The following GLUD1 variants were observed in gnomAD, a reference collection of about 807,000 sequenced individuals.
The protein encoded by GLUD1 is glutamate dehydrogenase 1.
GLUD1 carries 22 observed loss-of-function variants against 56.0 expected under a neutral mutation model. The observed-to-expected ratio is 0.39, with a 90% CI of 0.28 to 0.56. GLUD1 has a LOEUF of 0.56. Ranked by LOEUF, GLUD1 falls within the 20% of genes least tolerant of loss-of-function variation. The probability of loss-of-function intolerance (pLI) is 0.58; values close to 1 mark genes in which losing one functional copy is unlikely to be tolerated. For synonymous variants in GLUD1, 223 were observed against 269.9 expected (o/e 0.83, Z 1.70); for missense variants, 451 against 732.0 (o/e 0.62, Z 4.43).
At chr10:87,068,206 C>T (rs747538573) in intron 4 of GLUD1, 49 bp from the exon 5 acceptor site, 30 of 1,121,530 alleles carry the variant, frequency 2.7e-5, no homozygotes, top group Non-Finnish European at 4.1e-5. Context: ...AAGAAAAATT[C>T]TTCTCGAACA....
At chr10:87,072,249 G>T (rs186623277) in intron 4 of GLUD1, among the ~76,000 whole-genome samples, 205 of 152,310 alleles carry the variant, frequency 1.3e-3, no homozygotes, top group Non-Finnish European at 2.4e-3. Context: ...CTGGGTGAAA[G>T]GACAAAACCT....
intron 5 of GLUD1, among the ~76,000 whole-genome samples, chr10:87,067,178 C>A (rs1447274407): frequency 6.6e-6 from 1 of 152,226 alleles, no homozygotes; most frequent in East Asian, 1.9e-4. Context: ...CACTGACTAC[C>A]ATGTAAAACA....
At chr10:87,088,143 C>T (rs113973335) in intron 1 of GLUD1, among the ~76,000 whole-genome samples, 2,859 of 150,176 alleles carry the variant, frequency 0.019, 50 homozygotes, top group Middle Eastern at 0.038. Context: ...TCCTTGAACT[C>T]CTACTGCAAC....
intron 4 of GLUD1, among the ~76,000 whole-genome samples, chr10:87,072,438 C>T (rs1381906205): frequency 6.6e-6 from 1 of 152,186 alleles, no homozygotes; most frequent in Non-Finnish European, 1.5e-5. Context: ...CAATCTGACA[C>T]TCTCTGTGGA....
chr10:87,089,398 A>AG (rs1243279446), intron 1 of GLUD1, among the ~76,000 whole-genome samples: 1 of 152,262 alleles, frequency 6.6e-6, no homozygotes, highest in African/African-American at 2.4e-5. Flanking sequence ...TTTGGAAATC[A>AG]GGGACAACAG....
intron 5 of GLUD1, among the ~76,000 whole-genome samples, chr10:87,065,223 G>A (rs1286816786): frequency 6.7e-6 from 1 of 149,114 alleles, no homozygotes; most frequent in East Asian, 2.0e-4. Flanking sequence ...AACCCGGGAG[G>A]CGGAGGTTGC....
intron 1 of GLUD1, among the ~76,000 whole-genome samples, chr10:87,083,219 T>TA (rs11431413): frequency 0.13 from 16,925 of 134,548 alleles, 1,850 homozygotes; most frequent in African/African-American, 0.3. Flanking sequence ...TCAAAAAAAT[T>TA]AAAAAAAAAA....
rs183713290 is a variant in GLUD1, at chr10:87,052,438, A to G, written c.1558-568T>C. ...AGGAGGCGGTGGTTGCAGTGAGCAG[A>G]GATTGCACCATTGCACTCCAGCTGG... On this transcript the variant is annotated intron_variant, in intron 12 of 12. Coordinates refer to ENST00000277865, the MANE Select transcript of GLUD1 (RefSeq NM_005271.5). 7.6e-3 allele frequency among the ~76,000 whole-genome samples: 1,162 copies of G among 152,274 alleles called. 16 individuals carry two copies. The highest frequency in any genetic ancestry group is 0.027 in the African/African-American group (1,120 of 41,548).
intron 1 of GLUD1, among the ~76,000 whole-genome samples, chr10:87,081,072 G>GA (rs1841231654): frequency 1.4e-5 from 2 of 143,022 alleles, no homozygotes; most frequent in African/African-American, 5.1e-5. Context: ...GAGGTGGGGG[G>GA]GTCAGCCCCC....
chr10:87,051,993 C>A, intron 12 of GLUD1, 123 bp from the exon 13 acceptor site: 1 of 1,109,688 alleles, frequency 9.0e-7, no homozygotes, highest in Non-Finnish European at 1.4e-6. Context: ...AGGACTTGGG[C>A]AGCCAAAGAC....
At chr10:87,059,783 T>G (rs187299421) in intron 9 of GLUD1, among the ~76,000 whole-genome samples, 39 of 152,282 alleles carry the variant, frequency 2.6e-4, no homozygotes, top group African/African-American at 9.1e-4. Flanking sequence ...CTAAAAAACC[T>G]GAGCACGTGT....
At chr10:87,090,678 A>G (rs1486259616) in intron 1 of GLUD1, among the ~76,000 whole-genome samples, 1 of 152,208 alleles carries the variant, frequency 6.6e-6, no homozygotes, top group Non-Finnish European at 1.5e-5. Context: ...CAAATTACCT[A>G]TCCTCTGACT....
intron 9 of GLUD1, 94 bp from the exon 10 acceptor site, chr10:87,059,367 A>G: frequency 8.2e-7 from 1 of 1,217,600 alleles, no homozygotes; most frequent in South Asian, 1.2e-5. Context: ...ACCAAGGTAG[A>G]CTGGACTTTA....
intron 10 of GLUD1, 123 bp from the exon 11 acceptor site, chr10:87,057,905 G>A: frequency 1.5e-6 from 1 of 664,090 alleles, no homozygotes; most frequent in Non-Finnish European, 2.7e-6. Context: ...GTCGTGGTCT[G>A]TCACCCAGGC....
At position 87,060,716 on chromosome 10, in the gene GLUD1, T is replaced by C; in HGVS notation, c.1169A>G (p.Lys390Arg). The change falls in exon 8 of 13, where the codon AAA becomes AGA. Residue 390 changes from lysine to arginine, a missense_variant. By Grantham distance (26) the Lys-to-Arg change is conservative (BLOSUM62 2). Coordinates refer to ENST00000277865, the MANE Select transcript of GLUD1 (RefSeq NM_005271.5). Reference protein sequence around the residue: ...IPAASEKQLTKSNAPRVKAKI... With the variant: ...IPAASEKQLTRSNAPRVKAKI... The stretch of plus-strand genomic sequence containing the variant: ...GGCTTTGACTCTGGGTGCGTTGGAT[T>C]TGGTCAACTGCTTCTCACTGGCAGC... 1 of 1,614,196 alleles carries C rather than the reference T, an allele frequency of 6.2e-7. No homozygotes were observed. The highest frequency in any genetic ancestry group is 8.5e-7 in the Non-Finnish European group (1 of 1,180,030).
At chr10:87,086,785 C>T (rs1185615659) in intron 1 of GLUD1, among the ~76,000 whole-genome samples, 5 of 148,448 alleles carry the variant, frequency 3.4e-5, no homozygotes, top group East Asian at 2.0e-4. Flanking sequence ...AAGCCAAGAT[C>T]GCGCCACTGC....
At chr10:87,059,476 G>GAAAAAAAA (rs35013042) in intron 9 of GLUD1, among the ~76,000 whole-genome samples, 1 of 149,924 alleles carries the variant, frequency 6.7e-6, no homozygotes, top group Non-Finnish European at 1.5e-5. Context: ...TTCTATTTAG[G>GAAAAAAAA]AAAAAAAAAA....
At chr10:87,085,305 C>A (rs1200161305) in intron 1 of GLUD1, among the ~76,000 whole-genome samples, 1 of 140,316 alleles carries the variant, frequency 7.1e-6, no homozygotes, top group Admixed American at 7.5e-5. Context: ...GAGATTGCAC[C>A]ATTGCACTTC....
chr10:87,085,609 C>T (rs1316364822), intron 1 of GLUD1, among the ~76,000 whole-genome samples: 2 of 152,028 alleles, frequency 1.3e-5, no homozygotes, highest in African/African-American at 4.8e-5. Context: ...AAAATTATAA[C>T]ACATATGTAT....
Sources: allele counts gnomAD v4.1 joint callset (sites outside exome capture counted in the v4.1 genomes callset), GRCh38; gene constraint gnomAD v4.1.1; transcripts MANE v1.5; gene names NCBI Gene and HGNC (gene_info 2026-07-23, HGNC 2026-07-21).